Variants in ZNF521 observed in about 807,000 individuals in gnomAD.
ZNF521 encodes the protein LYST-interacting protein 3.
ZNF521 carries 14 observed loss-of-function variants against 105.5 expected under a neutral mutation model. The observed-to-expected ratio is 0.13, with a 90% CI of 0.09 to 0.21. The LOEUF (loss-of-function observed/expected upper bound fraction) is 0.21. ZNF521 is among the 10% of genes least tolerant of loss of function. The probability of loss-of-function intolerance (pLI) is 1.00; values close to 1 mark genes in which losing one functional copy is unlikely to be tolerated. For synonymous variants in ZNF521, 635 were observed against 606.0 expected (o/e 1.05, Z -0.70); for missense variants, 1,233 against 1,629.7 (o/e 0.76, Z 4.19).
At chr18:25,088,454 C>T (rs960934131) in intron 7 of ZNF521, among the ~76,000 whole-genome samples, 21 of 151,876 alleles carry the variant, frequency 1.4e-4, no homozygotes, top group South Asian at 2.1e-4. Flanking sequence ...CTCCTGACCT[C>T]GTGATCCTCC....
chr18:25,236,837 T>C (rs931793203), intron 3 of ZNF521, among the ~76,000 whole-genome samples: 2 of 152,176 alleles, frequency 1.3e-5, no homozygotes, highest in South Asian at 2.1e-4. Flanking sequence ...CTTAAAATCA[T>C]CTTTAGTTAG....
intron 2 of ZNF521, among the ~76,000 whole-genome samples, chr18:25,325,836 T>A (rs931219102): frequency 6.6e-6 from 1 of 152,220 alleles, no homozygotes; most frequent in African/African-American, 2.4e-5. Flanking sequence ...TTTGTTAACA[T>A]TACTTATAAA....
intron 5 of ZNF521, among the ~76,000 whole-genome samples, chr18:25,185,436 T>C (rs2035704106): frequency 6.6e-6 from 1 of 152,130 alleles, no homozygotes; most frequent in Admixed American, 6.6e-5. Context: ...ATGCCCTCTG[T>C]GTTGTACCGG....
intron 3 of ZNF521, among the ~76,000 whole-genome samples, chr18:25,297,674 TATGGTCACAGA>T (rs545571173): frequency 4.1e-4 from 62 of 152,316 alleles, no homozygotes; most frequent in African/African-American, 1.4e-3. Context: ...TCTGTTATAC[TATGGTCACAGA>T]ATAGACACAA....
At chr18:25,203,004 C>A (rs1200824131) in intron 4 of ZNF521, among the ~76,000 whole-genome samples, 2 of 152,112 alleles carry the variant, frequency 1.3e-5, no homozygotes, top group Non-Finnish European at 2.9e-5. Context: ...ATAAAAAATC[C>A]ATGTAACACT....
rs147298091 is a variant in ZNF521 at position 25,222,459 on chromosome 18, TAAG to T, written c.3573+1883_3573+1885del. Among the ~76,000 whole-genome samples, 492 of 152,292 alleles carry T rather than the reference TAAG, an allele frequency of 3.2e-3. 2 individuals carry two copies. The highest frequency in any genetic ancestry group is 0.012 in the African/African-American group (478 of 41,558). The stretch of plus-strand genomic sequence containing the variant: ...TCAGAAAATACAAACCATGAACAGA[TAAG>T]AAGACACAGGCATATGCCCTTTCAT... On this transcript the variant is annotated intron_variant, in intron 4 of 7. Transcript: ENST00000361524.
chr18:25,190,394 G>A (rs2035797880), intron 5 of ZNF521, among the ~76,000 whole-genome samples: 2 of 152,218 alleles, frequency 1.3e-5, no homozygotes, highest in South Asian at 4.1e-4. Context: ...AGGCATTATT[G>A]TTGATCCATT....
At chr18:25,155,476 T>C (rs889116189) in intron 5 of ZNF521, among the ~76,000 whole-genome samples, 31 of 152,188 alleles carry the variant, frequency 2.0e-4, no homozygotes, top group Admixed American at 1.8e-3. Context: ...TAGTGTGATA[T>C]CCAAGAAATC....
At chr18:25,195,411 A>C (rs1388396833) in intron 4 of ZNF521, among the ~76,000 whole-genome samples, 167 bp from the exon 5 acceptor site, 1 of 151,836 alleles carries the variant, frequency 6.6e-6, no homozygotes, top group Admixed American at 6.6e-5. Flanking sequence ...CTTAGACCTT[A>C]TGGCTTGATC....
chr18:25,164,150 C>A (rs995689502), intron 5 of ZNF521, among the ~76,000 whole-genome samples: 1 of 152,140 alleles, frequency 6.6e-6, no homozygotes, highest in Non-Finnish European at 1.5e-5. Context: ...ATCCCCCCCA[C>A]TTCCCTGCCA....
In ZNF521 at chr18:25,067,986, A is replaced by G. The variant is rs2033114635; in HGVS notation, c.3907-5245T>C. Among the ~76,000 whole-genome samples the G allele has an allele frequency of 2.0e-5, 3 of 152,240 alleles. No homozygotes were observed. In the South Asian group the frequency reaches 6.2e-4, roughly 32 times the overall value. On this transcript the variant is annotated intron_variant, in intron 7 of 7. Transcript: ENST00000361524. ...TTATTTATAGCCTTTTGTTTCAAAC[A>G]AATTCTGACAAGCTTTTAAAACTAA...
At chr18:25,326,256 A>T (rs1053974889) in intron 2 of ZNF521, among the ~76,000 whole-genome samples, 1 of 152,226 alleles carries the variant, frequency 6.6e-6, no homozygotes, top group Admixed American at 6.5e-5. Context: ...CCCATGCCTG[A>T]TCAAAGCTAA....
In ZNF521 at chr18:25,091,993, G is replaced by A. The variant is rs769366010; in HGVS notation, c.3747C>T (p.Phe1249=). 4.3e-5 allele frequency: 70 copies of A among 1,613,938 alleles called. No individual in the cohort carries two copies. The highest frequency in any genetic ancestry group is 5.8e-5 in the Non-Finnish European group (69 of 1,179,894). Residue 1249 remains phenylalanine, a synonymous_variant, in exon 6 of 8, where the codon TTC becomes TTT. Transcript: ENST00000361524. ...ACTTGAAGGTGCCTCCCATCCCTTC[G>A]AAGCTGTGCTCTATCAGGTGGCACT... ...KLQCHLIEHS[F]EGMGGTFKCP... is the part of the protein sequence containing the mutation.
intron 5 of ZNF521, among the ~76,000 whole-genome samples, chr18:25,167,515 T>C (rs8087717): frequency 0.28 from 41,966 of 152,132 alleles, 6,649 homozygotes; most frequent in African/African-American, 0.43. Context: ...ATCTGTATTT[T>C]TGTCTTATTT....
chr18:25,248,459 G>T (rs1326205174), intron 3 of ZNF521, among the ~76,000 whole-genome samples: 4 of 152,290 alleles, frequency 2.6e-5, no homozygotes, highest in East Asian at 1.9e-4. Context: ...TTATGCAGTG[G>T]CAGTCTTAAA....
chr18:25,275,053 T>G (rs984306237), intron 3 of ZNF521, among the ~76,000 whole-genome samples: 6 of 152,138 alleles, frequency 3.9e-5, no homozygotes, highest in African/African-American at 1.4e-4. Context: ...TCAAAACAAA[T>G]TCCTTATCCA....
At chr18:25,072,027 G>A (rs2033238154) in intron 7 of ZNF521, among the ~76,000 whole-genome samples, 1 of 152,230 alleles carries the variant, frequency 6.6e-6, no homozygotes. Flanking sequence ...AGGAGCTGAG[G>A]CATCTGGTGG....
intron 5 of ZNF521, among the ~76,000 whole-genome samples, chr18:25,105,389 C>T (rs1275553356): frequency 1.3e-5 from 2 of 152,140 alleles, no homozygotes; most frequent in Non-Finnish European, 2.9e-5. Flanking sequence ...CTTAGGCCAA[C>T]TTGACTTTTA....
At chr18:25,133,155 G>C (rs2034671877) in intron 5 of ZNF521, among the ~76,000 whole-genome samples, 1 of 152,190 alleles carries the variant, frequency 6.6e-6, no homozygotes, top group Non-Finnish European at 1.5e-5. Flanking sequence ...TCTCTTGGTA[G>C]AGTTCAATAA....
Sources: gnomAD v4.1 joint callset for allele counts (sites outside exome capture counted in the v4.1 genomes callset) on GRCh38, gnomAD v4.1.1 for gene constraint, MANE v1.5 for transcripts, NCBI Gene and HGNC (gene_info 2026-07-23, HGNC 2026-07-21) for gene names.